Variants in PLCB4 observed in about 807,000 individuals in gnomAD.
PLCB4 encodes phospholipase C beta 4.
A neutral mutation model predicts 178.8 loss-of-function variants in PLCB4; 77 were observed. That is an observed-to-expected ratio of 0.43 (90% CI 0.36 to 0.52). The LOEUF (loss-of-function observed/expected upper bound fraction) is 0.52, where lower values mean the gene tolerates loss of function less well. Ranked by LOEUF, PLCB4 falls within the 20% of genes least tolerant of loss-of-function variation. The probability of loss-of-function intolerance (pLI) is 0.00; values close to 1 mark genes in which losing one functional copy is unlikely to be tolerated. For missense variants in PLCB4, 1,024 were observed against 1,453.4 expected (o/e 0.70, Z 4.80); for synonymous variants, 496 against 490.8 (o/e 1.01, Z -0.14).
At chr20:9,375,667 T>C (rs1454379536) in intron 12 of PLCB4, among the ~76,000 whole-genome samples, 2 of 152,142 alleles carry the variant, frequency 1.3e-5, no homozygotes, top group Non-Finnish European at 2.9e-5. Flanking sequence ...CTGGTTCATA[T>C]AATGAGACAA....
intron 7 of PLCB4, among the ~76,000 whole-genome samples, chr20:9,344,949 A>C (rs917970237): frequency 6.6e-6 from 1 of 152,188 alleles, no homozygotes; most frequent in Non-Finnish European, 1.5e-5. Flanking sequence ...AACCTAGTAC[A>C]CCTTTCGCTA....
intron 4 of PLCB4, among the ~76,000 whole-genome samples, chr20:9,316,732 C>G (rs1214693734): frequency 6.6e-6 from 1 of 152,138 alleles, no homozygotes; most frequent in Non-Finnish European, 1.5e-5. Flanking sequence ...ATCTGAGCAC[C>G]ACCTCAGTTG....
rs967651195 is a variant in PLCB4, at chr20:9,479,613, A to G, written c.*604A>G. The stretch of plus-strand genomic sequence containing the variant: ...AATAGAGCAGTGTATGTGTGCCAAA[A>G]CTCATCATTACTCAAAGGAGAACTG... On this transcript the variant is annotated 3_prime_UTR_variant, in exon 40 of 40. Transcript: ENST00000378473. 1.3e-5 allele frequency: 2 copies of G among 152,824 alleles called. No individual in the cohort carries two copies. The highest frequency in any genetic ancestry group is 4.8e-5 in the African/African-American group (2 of 41,440). The allele number at this position is 152,824 out of a possible 1,614,324, so 9.5% of individuals were successfully genotyped here.
At chr20:9,450,835 G>A (rs1285086727) in intron 32 of PLCB4, among the ~76,000 whole-genome samples, 4 of 151,716 alleles carry the variant, frequency 2.6e-5, no homozygotes, top group African/African-American at 9.7e-5. Flanking sequence ...TTTTAGTAGA[G>A]TTGGGTTTTT....
At chr20:9,243,716 G>A (rs989379846) in intron 3 of PLCB4, among the ~76,000 whole-genome samples, 5 of 152,210 alleles carry the variant, frequency 3.3e-5, no homozygotes, top group Non-Finnish European at 5.9e-5. Flanking sequence ...AAGCAGAGGT[G>A]TTAATAGGAT....
intron 2 of PLCB4, among the ~76,000 whole-genome samples, chr20:9,115,579 TC>T (rs1027646517): frequency 8.0e-5 from 6 of 74,650 alleles, no homozygotes; most frequent in South Asian, 5.7e-4. Context: ...CCCTCCCCCC[TC>T]CCCCCACCCC....
chr20:9,220,836 G>T (rs533693866), intron 3 of PLCB4, among the ~76,000 whole-genome samples: 6 of 152,184 alleles, frequency 3.9e-5, no homozygotes, highest in African/African-American at 1.2e-4. Context: ...AAGATCTGTG[G>T]CCTAGGGTTG....
At chr20:9,310,903 A>C (rs6086834) in intron 4 of PLCB4, among the ~76,000 whole-genome samples, 7,589 of 152,278 alleles carry the variant, frequency 0.05, 276 homozygotes, top group Non-Finnish European at 0.077. Flanking sequence ...TTTACAAATG[A>C]CCTAAGTGGT....
intron 2 of PLCB4, among the ~76,000 whole-genome samples, chr20:9,159,488 G>A (rs1262214375): frequency 6.6e-6 from 1 of 152,126 alleles, no homozygotes; most frequent in Non-Finnish European, 1.5e-5. Flanking sequence ...TGATAAGAGG[G>A]ATCTTCTTAA....
Position 9,215,761 on chromosome 20 carries a change from T to G in PLCB4, c.-78-1629T>G, listed in dbSNP as rs917093156. Among the ~76,000 whole-genome samples the G allele has an allele frequency of 1.2e-4, 18 of 152,318 alleles. 1 individual carries two copies. The highest frequency in any genetic ancestry group is 7.8e-4 in the Admixed American group (12 of 15,300). Reference sequence around the variant, plus strand: ...CTGGTCCCCTAGAGGGAGCTAGAGGTAGCCACACTCAGTGTTTCTTGTTTT... The same window carrying G: ...CTGGTCCCCTAGAGGGAGCTAGAGGGAGCCACACTCAGTGTTTCTTGTTTT... On this transcript the variant is annotated intron_variant, in intron 2 of 39. Coordinates refer to ENST00000378473, the MANE Select transcript of PLCB4 (RefSeq NM_001377142.1).
chr20:9,338,342 A>G (rs1376506652), intron 6 of PLCB4, among the ~76,000 whole-genome samples: 1 of 152,128 alleles, frequency 6.6e-6, no homozygotes, highest in Non-Finnish European at 1.5e-5. Flanking sequence ...AGGTCCTCCA[A>G]TAACTACAAT....
chr20:9,191,840 T>C (rs2093408521), intron 2 of PLCB4, among the ~76,000 whole-genome samples: 1 of 152,068 alleles, frequency 6.6e-6, no homozygotes, highest in Non-Finnish European at 1.5e-5. Context: ...ATAGGTCTGC[T>C]ATGGTCATGG....
rs113894742 is a variant in PLCB4, at chr20:9,169,259, A to C, written c.-78-48131A>C. 2.2e-3 allele frequency among the ~76,000 whole-genome samples: 342 copies of C among 152,160 alleles called. 1 individual carries two copies. The highest frequency in any genetic ancestry group is 6.8e-3 in the Middle Eastern group (2 of 294). On this transcript the variant is annotated intron_variant, in intron 2 of 39. Transcript: ENST00000378473. ...ATCCAGTTTTGGGCATTTGATTTTC[A>C]TAAAAACTTTCCATGTCTCAGCTTG... is the stretch of plus-strand genomic sequence containing the variant.
chr20:9,333,179 G>C (rs1601901951), intron 4 of PLCB4, among the ~76,000 whole-genome samples: 1 of 152,248 alleles, frequency 6.6e-6, no homozygotes, highest in Non-Finnish European at 1.5e-5. Context: ...TTATTTTTAA[G>C]TTAATTTGTT....
At chr20:9,474,618 A>T (rs1262960838) in intron 38 of PLCB4, among the ~76,000 whole-genome samples, 1 of 152,112 alleles carries the variant, frequency 6.6e-6, no homozygotes, top group Non-Finnish European at 1.5e-5. Context: ...AGAGTAAATG[A>T]CTCCCCTTGA....
intron 2 of PLCB4, among the ~76,000 whole-genome samples, chr20:9,126,336 G>A (rs115592335): frequency 0.027 from 4,103 of 152,168 alleles, 181 homozygotes; most frequent in African/African-American, 0.093. Context: ...CAGAAGTACT[G>A]GGTCAAAGAA....
intron 3 of PLCB4, among the ~76,000 whole-genome samples, chr20:9,234,190 A>G (rs1286236661): frequency 2.6e-5 from 4 of 152,264 alleles, no homozygotes; most frequent in Admixed American, 6.5e-5. Flanking sequence ...ACTGAGATGG[A>G]AAAGACTAGA....
chr20:9,093,571 C>T (rs2090774061), intron 1 of PLCB4, among the ~76,000 whole-genome samples: 1 of 151,542 alleles, frequency 6.6e-6, no homozygotes, highest in Admixed American at 6.6e-5. Context: ...TTTTTATTTT[C>T]TTGTTTTTAA....
chr20:9,095,109 A>G (rs2090850792), intron 1 of PLCB4, among the ~76,000 whole-genome samples: 1 of 152,238 alleles, frequency 6.6e-6, no homozygotes, highest in South Asian at 2.1e-4. Flanking sequence ...CTTAGCCAAG[A>G]AGAGTGGAAC....
Sources: gnomAD v4.1 joint callset for allele counts (sites outside exome capture counted in the v4.1 genomes callset) on GRCh38, gnomAD v4.1.1 for gene constraint, MANE v1.5 for transcripts, NCBI Gene and HGNC (gene_info 2026-07-23, HGNC 2026-07-21) for gene names.